INPP5A: variants seen among roughly 807,000 people sequenced by gnomAD.
INPP5A encodes 43 kDa inositol polyphosphate 5-phophatase.
A neutral mutation model predicts 65.2 loss-of-function variants in INPP5A; 14 were observed. That is an observed-to-expected ratio of 0.21 (90% CI 0.14 to 0.34). The LOEUF (loss-of-function observed/expected upper bound fraction) is 0.34. INPP5A is among the 10% of genes least tolerant of loss of function. The probability of loss-of-function intolerance (pLI) is 1.00; values close to 1 mark genes in which losing one functional copy is unlikely to be tolerated. For missense variants in INPP5A, 431 were observed against 545.6 expected (o/e 0.79, Z 2.09); for synonymous variants, 207 against 208.3 (o/e 0.99, Z 0.05).
chr10:132,638,176 C>G (rs754125991), intron 2 of INPP5A, among the ~76,000 whole-genome samples: 18 of 152,202 alleles, frequency 1.2e-4, no homozygotes, highest in Non-Finnish European at 2.2e-4. Flanking sequence ...TGCTACTTCT[C>G]TCTCTTTTTA....
intron 11 of INPP5A, among the ~76,000 whole-genome samples, chr10:132,750,277 T>C (rs1846451981): frequency 6.6e-6 from 1 of 152,188 alleles, no homozygotes; most frequent in African/African-American, 2.4e-5. Flanking sequence ...TGAGCACGTG[T>C]GTGTGCTCTA....
intron 1 of INPP5A, among the ~76,000 whole-genome samples, chr10:132,559,412 G>A (rs1005366718): frequency 3.3e-5 from 5 of 152,208 alleles, no homozygotes; most frequent in African/African-American, 1.2e-4. Context: ...GTTTTAGCGT[G>A]TTCACAAGGT....
intron 13 of INPP5A, among the ~76,000 whole-genome samples, chr10:132,778,332 T>A (rs1013240929): frequency 2.1e-4 from 23 of 107,246 alleles, no homozygotes; most frequent in African/African-American, 4.0e-4. Flanking sequence ...TTTTTTTTTT[T>A]ACAAAAGAGG....
intron 9 of INPP5A, among the ~76,000 whole-genome samples, chr10:132,730,865 G>C (rs150844839): frequency 6.6e-6 from 1 of 152,204 alleles, no homozygotes; most frequent in Non-Finnish European, 1.5e-5. Context: ...CCAGGAACCC[G>C]ATTTTTCACT....
chr10:132,580,432 T>G (rs1322921200), intron 1 of INPP5A, among the ~76,000 whole-genome samples: 1 of 152,224 alleles, frequency 6.6e-6, no homozygotes, highest in African/African-American at 2.4e-5. Flanking sequence ...GTAAGTTTTC[T>G]GAGGCCTCCC....
rs1026805899 is a variant in INPP5A, at chr10:132,545,532, C to G, written c.75+7361C>G. On this transcript the variant is annotated intron_variant, in intron 1 of 15. Coordinates refer to ENST00000368594, the MANE Select transcript of INPP5A (RefSeq NM_005539.5). The surrounding 1 kb of genome is among the most constrained non-coding windows in gnomAD (Gnocchi z 4.6). ...GCCCCACTGCCCCTGCCGGGGTGTT[C>G]CCGCTGTCTCCTGGGCGGGTCCTTC... Among the ~76,000 whole-genome samples the G allele has an allele frequency of 6.6e-6, 1 of 152,202 alleles. No individual in the cohort carries two copies.
intron 1 of INPP5A, among the ~76,000 whole-genome samples, chr10:132,573,134 TGA>T (rs1183555182): frequency 5.0e-5 from 7 of 140,848 alleles, no homozygotes; most frequent in African/African-American, 1.6e-4. Context: ...GAGGTTTTGT[TGA>T]GATGTTGGGG....
At chr10:132,631,358 C>T (rs1450340505) in intron 2 of INPP5A, among the ~76,000 whole-genome samples, 1 of 152,190 alleles carries the variant, frequency 6.6e-6, no homozygotes, top group African/African-American at 2.4e-5. Flanking sequence ...CAGCCCAGCC[C>T]AGCCCCGAAG....
intron 4 of INPP5A, among the ~76,000 whole-genome samples, chr10:132,680,151 C>T (rs1179088805): frequency 6.6e-6 from 1 of 152,130 alleles, no homozygotes; most frequent in Non-Finnish European, 1.5e-5. Context: ...ACAACATCAA[C>T]AGAGTAAAAA....
chr10:132,722,022 A>C (rs1297916182), intron 8 of INPP5A, among the ~76,000 whole-genome samples: 1 of 152,218 alleles, frequency 6.6e-6, no homozygotes, highest in Non-Finnish European at 1.5e-5. Flanking sequence ...AAGTGGCTTA[A>C]ACACATCTGC....
chr10:132,762,362 A>G lies in INPP5A; in HGVS notation c.904-3411A>G, dbSNP rs1293042915. 1.3e-5 allele frequency among the ~76,000 whole-genome samples: 2 copies of G among 152,258 alleles called. No homozygotes were observed. Among genetic ancestry groups the G allele is most frequent in the African/African-American group, 4.8e-5 (2 of 41,474 alleles). ...AGAATATTTTTGAAGCATTGTGGGA[A>G]AAATGTCCTATTACATAAGAATGCA... On this transcript the variant is annotated intron_variant, in intron 11 of 15. Transcript: ENST00000368594. The surrounding 1 kb of genome is among the most constrained non-coding windows in gnomAD (Gnocchi z 4.6).
chr10:132,717,202 C>T (rs1467291136), intron 8 of INPP5A, among the ~76,000 whole-genome samples: 1 of 152,224 alleles, frequency 6.6e-6, no homozygotes, highest in African/African-American at 2.4e-5. Flanking sequence ...TGGTGTCTTC[C>T]TCTTTTACAA....
chr10:132,559,766 A>G (rs1336282778), intron 1 of INPP5A, among the ~76,000 whole-genome samples: 2 of 151,654 alleles, frequency 1.3e-5, no homozygotes, highest in Non-Finnish European at 2.9e-5. Context: ...GACCTCAGTT[A>G]CTTAGCATGT....
intron 1 of INPP5A, among the ~76,000 whole-genome samples, chr10:132,588,577 C>T (rs1037267226): frequency 3.9e-5 from 6 of 152,262 alleles, no homozygotes; most frequent in African/African-American, 1.2e-4. Flanking sequence ...GAGGAATCAG[C>T]AGCACGGCCC....
At chr10:132,742,680 G>A (rs931995853) in intron 9 of INPP5A, among the ~76,000 whole-genome samples, 4 of 152,180 alleles carry the variant, frequency 2.6e-5, no homozygotes, top group African/African-American at 9.7e-5. Flanking sequence ...AGTGCCTCCC[G>A]ATGAGTTCGG....
intron 2 of INPP5A, among the ~76,000 whole-genome samples, chr10:132,614,366 C>T (rs977765896): frequency 6.6e-6 from 1 of 152,170 alleles, no homozygotes; most frequent in Non-Finnish European, 1.5e-5. Context: ...ACTTGGGAGG[C>T]TGAGGCAGGA....
At chr10:132,645,243 G>A (rs1459109950) in intron 2 of INPP5A, among the ~76,000 whole-genome samples, 2 of 152,186 alleles carry the variant, frequency 1.3e-5, no homozygotes, top group Non-Finnish European at 2.9e-5. Context: ...ACCAGTGGCC[G>A]TGATGCCAGG....
In INPP5A at chr10:132,550,785, G is replaced by T. The variant is rs1186620879; in HGVS notation, c.75+12614G>T. Among the ~76,000 whole-genome samples, 1 of 152,220 alleles carries T rather than the reference G, an allele frequency of 6.6e-6. No homozygotes were observed. Among genetic ancestry groups the T allele is most frequent in the Non-Finnish European group, 1.5e-5 (1 of 68,030 alleles). ...CGCCAGAGTGTGAGGGGCCATGGTC[G>T]CTGACCTCGCCTCCTGTTGTCTTAG... On this transcript the variant is annotated intron_variant, in intron 1 of 15. Transcript: ENST00000368594. The surrounding 1 kb of genome is among the most constrained non-coding windows in gnomAD (Gnocchi z 4.2).
At chr10:132,721,914 G>A (rs538519337) in intron 8 of INPP5A, among the ~76,000 whole-genome samples, 14 of 152,272 alleles carry the variant, frequency 9.2e-5, no homozygotes, top group Admixed American at 7.8e-4. Flanking sequence ...CACAGTGGGT[G>A]GAGTAAAAAG....
Sources: allele counts gnomAD v4.1 joint callset (sites outside exome capture counted in the v4.1 genomes callset), GRCh38; gene constraint gnomAD v4.1.1; non-coding constraint Gnocchi (gnomAD v3.1); transcripts MANE v1.5; gene names NCBI Gene and HGNC (gene_info 2026-07-23, HGNC 2026-07-21).